The following RAB31 variants were observed in gnomAD, a reference collection of about 807,000 sequenced individuals.
The protein encoded by RAB31 is ras-related protein Rab-31.
A neutral mutation model predicts 25.6 loss-of-function variants in RAB31; 21 were observed. The observed-to-expected ratio is 0.82, with a 90% CI of 0.58 to 1.18. The LOEUF (loss-of-function observed/expected upper bound fraction) is 1.18, where lower values mean the gene tolerates loss of function less well. Among genes scored for constraint, RAB31 ranks in the 50% most tolerant of loss-of-function variants. RAB31 has a pLI of 0.00. For missense variants in RAB31, 196 were observed against 250.1 expected (o/e 0.78, Z 1.46); for synonymous variants, 87 against 84.0 (o/e 1.04, Z -0.20).
chr18:9,708,634 TCGCTCTCCGCGC>T lies in RAB31; in HGVS notation c.39+192_39+203del, dbSNP rs2067998987. On this transcript the variant is annotated intron_variant, in intron 1 of 6. Transcript: ENST00000578921. The surrounding 1 kb of genome is among the most constrained non-coding windows in gnomAD (Gnocchi z 6.4). ...CTGGCTCCCCTAGTCCGTGCGCCCC[TCGCTCTCCGCGC>T]CCCTCGCTCTCCGCACCCCGCCTGT... 6.8e-6 allele frequency among the ~76,000 whole-genome samples: 1 copy of T among 146,938 alleles called. No homozygotes were observed. The highest frequency in any genetic ancestry group is 1.5e-5 in the Non-Finnish European group (1 of 66,428).
At chr18:9,842,276 C>A (rs1418928157) in intron 5 of RAB31, among the ~76,000 whole-genome samples, 1 of 152,156 alleles carries the variant, frequency 6.6e-6, no homozygotes, top group African/African-American at 2.4e-5. Context: ...GGCGTTGGGG[C>A]TGAAAGATTC....
chr18:9,812,527 T>C lies in RAB31; in HGVS notation c.202-1493T>C, dbSNP rs185394969. Among the ~76,000 whole-genome samples, 6 of 151,462 alleles carry C rather than the reference T, an allele frequency of 4.0e-5. No individual in the cohort carries two copies. In the East Asian group the frequency reaches 9.6e-4, roughly 24 times the overall value. On this transcript the variant is annotated intron_variant, in intron 3 of 6. Transcript: ENST00000578921. Reference sequence around the variant, plus strand: ...TACAATTTAATAATTTATAAGTGTCTCCTTATTTTTATTGGTGTTCTTCCG... The same window carrying C: ...TACAATTTAATAATTTATAAGTGTCCCCTTATTTTTATTGGTGTTCTTCCG...
At chr18:9,839,461 G>C (rs1377108284) in intron 5 of RAB31, among the ~76,000 whole-genome samples, 3 of 152,178 alleles carry the variant, frequency 2.0e-5, no homozygotes, top group Non-Finnish European at 4.4e-5. Context: ...ATGGATTGCA[G>C]GAGGCTAGAG....
chr18:9,772,740 A>C lies in RAB31; in HGVS notation c.40-2538A>C, dbSNP rs151335224. On this transcript the variant is annotated intron_variant, in intron 1 of 6. Coordinates refer to ENST00000578921, the MANE Select transcript of RAB31 (RefSeq NM_006868.4). ...CAGTTTGTAGGAATCAGCTGGCCTC[A>C]TGAAAGTGTGCTGCCTGCTGTAAGG... 5.9e-3 allele frequency among the ~76,000 whole-genome samples: 893 copies of C among 152,300 alleles called. 3 individuals are homozygous for C. The highest frequency in any genetic ancestry group is 7.1e-3 in the Non-Finnish European group (481 of 68,028).
rs569078407 is a variant in RAB31 at position 9,815,191 on chromosome 18, G to A, written c.349G>A (p.Ala117Thr). 1.2e-5 allele frequency: 19 copies of A among 1,556,036 alleles called. No homozygotes were observed. The highest frequency in any genetic ancestry group is 2.4e-5 in the East Asian group (1 of 41,604). ...TCCAGAAAACATTGTAATGGCCATCGCTGGAAACAAGTGCGACCTCTCAGA... is the reference window on the plus strand; with the variant it reads ...TCCAGAAAACATTGTAATGGCCATCACTGGAAACAAGTGCGACCTCTCAGA... Reference protein sequence around the residue: ...HGPENIVMAIAGNKCDLSDIR... With the variant: ...HGPENIVMAITGNKCDLSDIR... Residue 117 changes from alanine to threonine, a missense_variant, in exon 5 of 7, where the codon GCT (alanine) becomes ACT (threonine). Physicochemically the swap from Ala to Thr is moderately conservative, Grantham distance 58. Coordinates refer to ENST00000578921, the MANE Select transcript of RAB31 (RefSeq NM_006868.4).
chr18:9,794,907 G>A (rs1296066966), intron 3 of RAB31, among the ~76,000 whole-genome samples: 1 of 151,866 alleles, frequency 6.6e-6, no homozygotes, highest in Non-Finnish European at 1.5e-5. Context: ...AATTCATATG[G>A]AACCAAAAAA....
chr18:9,821,540 A>G (rs1369950879), intron 5 of RAB31, among the ~76,000 whole-genome samples: 3 of 152,138 alleles, frequency 2.0e-5, no homozygotes, highest in Admixed American at 2.0e-4. Context: ...TGACATGATT[A>G]TCTACACAGA....
chr18:9,823,152 C>G (rs533524605), intron 5 of RAB31, among the ~76,000 whole-genome samples: 1 of 152,262 alleles, frequency 6.6e-6, no homozygotes, highest in South Asian at 2.1e-4. Context: ...GTGAATGAAG[C>G]CAGTCCCAAA....
intron 2 of RAB31, among the ~76,000 whole-genome samples, chr18:9,791,238 T>C (rs534286903): frequency 2.0e-5 from 3 of 152,288 alleles, no homozygotes; most frequent in Non-Finnish European, 4.4e-5. Context: ...CTTTATGCCA[T>C]TGTAAGACCA....
At chr18:9,717,869 A>C (rs116977462) in intron 1 of RAB31, among the ~76,000 whole-genome samples, 4,902 of 152,272 alleles carry the variant, frequency 0.032, 124 homozygotes, top group Admixed American at 0.056. Flanking sequence ...TGGCAAGGTT[A>C]ATTAAGAAAG....
chr18:9,785,564 A>G (rs2068427459), intron 2 of RAB31, among the ~76,000 whole-genome samples: 1 of 152,118 alleles, frequency 6.6e-6, no homozygotes, highest in Non-Finnish European at 1.5e-5. Context: ...AAACAGAATC[A>G]CTATCTGACC....
At position 9,708,600 on chromosome 18, in the gene RAB31, C is replaced by T. The variant is rs1370367192; in HGVS notation, c.39+156C>T. 2.0e-5 allele frequency among the ~76,000 whole-genome samples: 3 copies of T among 151,730 alleles called. No individual in the cohort carries two copies. The highest frequency in any genetic ancestry group is 2.9e-5 in the Non-Finnish European group (2 of 67,870). ...CTCGTCCGCGCGCCCCCTGGTTCCC[C>T]GGGTCCCCCTGGCTCCCCTAGTCCG... is the stretch of plus-strand genomic sequence containing the variant. On this transcript the variant is annotated intron_variant, in intron 1 of 6. Coordinates refer to ENST00000578921, the MANE Select transcript of RAB31 (RefSeq NM_006868.4). The surrounding 1 kb of genome is among the most constrained non-coding windows in gnomAD (Gnocchi z 6.4).
At chr18:9,852,151 A>T (rs2068792507) in intron 6 of RAB31, among the ~76,000 whole-genome samples, 1 of 152,146 alleles carries the variant, frequency 6.6e-6, no homozygotes, top group South Asian at 2.1e-4. Context: ...ACCATTGTAT[A>T]CTCAAAACCA....
At chr18:9,725,187 G>C (rs1176393354) in intron 1 of RAB31, among the ~76,000 whole-genome samples, 1 of 152,146 alleles carries the variant, frequency 6.6e-6, no homozygotes, top group Non-Finnish European at 1.5e-5. Context: ...TAGCCTCACA[G>C]ATCCCAGAAT....
At chr18:9,757,366 C>G (rs781217317) in intron 1 of RAB31, among the ~76,000 whole-genome samples, 5 of 152,200 alleles carry the variant, frequency 3.3e-5, no homozygotes, top group Non-Finnish European at 7.3e-5. Context: ...GCTCCTGCCT[C>G]TACACCCTAC....
chr18:9,722,553 T>G (rs1016685897), intron 1 of RAB31, among the ~76,000 whole-genome samples: 2 of 152,362 alleles, frequency 1.3e-5, no homozygotes, highest in Non-Finnish European at 2.9e-5. Flanking sequence ...ATTTAATCAA[T>G]GTATCTGTGT....
chr18:9,858,703 A>C (rs1211280137), intron 6 of RAB31, among the ~76,000 whole-genome samples: 1 of 152,230 alleles, frequency 6.6e-6, no homozygotes, highest in Admixed American at 6.5e-5. Context: ...AATGATCTAA[A>C]TGCATTGGCA....
chr18:9,711,753 CCTT>C (rs1166561197), intron 1 of RAB31, among the ~76,000 whole-genome samples: 1 of 152,210 alleles, frequency 6.6e-6, no homozygotes, highest in Admixed American at 6.5e-5. Flanking sequence ...GACAGCCACA[CCTT>C]CTTTCTGCCT....
intron 3 of RAB31, among the ~76,000 whole-genome samples, chr18:9,804,147 C>A (rs1372860887): frequency 6.6e-6 from 1 of 152,242 alleles, no homozygotes; most frequent in Non-Finnish European, 1.5e-5. Context: ...TACACACGGG[C>A]TTCTGCCCTG....
Sources: gnomAD v4.1 joint callset for allele counts (sites outside exome capture counted in the v4.1 genomes callset) on GRCh38, gnomAD v4.1.1 for gene constraint, Gnocchi (gnomAD v3.1) non-coding constraint, MANE v1.5 for transcripts, NCBI Gene and HGNC (gene_info 2026-07-23, HGNC 2026-07-21) for gene names.